The following SLC35A4 variants were observed in gnomAD, a reference collection of about 807,000 sequenced individuals.
The protein encoded by SLC35A4 is solute carrier family 35 member A4.
Under a neutral mutation model 18.8 loss-of-function variants are expected in SLC35A4, and 9 were observed. The observed-to-expected ratio is 0.48, with a 90% CI of 0.29 to 0.83. The LOEUF is 0.83. Ranked by LOEUF, SLC35A4 falls within the 40% of genes least tolerant of loss-of-function variation. The pLI is 0.09. For synonymous variants in SLC35A4, 189 were observed against 191.9 expected (o/e 0.98, Z 0.13); for missense variants, 404 against 415.5 (o/e 0.97, Z 0.24).
In SLC35A4 at chr5:140,568,105, C is replaced by T. The variant is rs779614603; in HGVS notation, c.936C>T (p.Leu312=). The change falls in exon 3 of 3, where the codon CTC becomes CTT. Residue 312 remains leucine (L), a synonymous_variant. Coordinates refer to ENST00000323146, the MANE Select transcript of SLC35A4 (RefSeq NM_080670.4). ...CCGCCTTCTTCCTGGCCACATTGCTCATTGGCCTGGCCATGCGCCTGTACT... is the reference window on the plus strand; with the variant it reads ...CCGCCTTCTTCCTGGCCACATTGCTTATTGGCCTGGCCATGCGCCTGTACT... The part of the protein sequence containing the change: ...LTAAFFLATL[L]IGLAMRLYYG... 35 of 1,613,694 alleles carry T rather than the reference C, an allele frequency of 2.2e-5. No homozygotes were observed. The highest frequency in any genetic ancestry group is 2.8e-5 in the Non-Finnish European group (33 of 1,180,042).
rs1755210023 is a variant in SLC35A4, at chr5:140,567,249, C to T, written c.80C>T (p.Thr27Ile). The change falls in exon 3 of 3, where the codon ACT (threonine) becomes ATT (isoleucine). Residue 27 changes from threonine to isoleucine, a missense_variant. By Grantham distance (89) the Thr-to-Ile change is moderately conservative. Transcript: ENST00000323146. ...TGGACCCTGATGCTACTCCTATCCA[C>T]TGCCATGTACGGTGCCCATGCCCCA... ...ARWTLMLLLSTAMYGAHAPLL... is the reference protein window; with the variant it reads ...ARWTLMLLLSIAMYGAHAPLL... 17 of 1,614,228 alleles carry T rather than the reference C, an allele frequency of 1.1e-5. No homozygotes were observed. Among genetic ancestry groups the T allele is most frequent in the Non-Finnish European group, 1.4e-5 (16 of 1,180,028 alleles).
chr5:140,568,099 A>G lies in SLC35A4; in HGVS notation c.930A>G (p.Thr310=), dbSNP rs74950706. The part of the protein sequence containing the change: ...LQLTAAFFLA[T]LLIGLAMRLY... ...TCACAGCCGCCTTCTTCCTGGCCAC[A>G]TTGCTCATTGGCCTGGCCATGCGCC... The change falls in exon 3 of 3, where the codon ACA becomes ACG. Residue 310 remains threonine, a synonymous_variant. Coordinates refer to ENST00000323146, the MANE Select transcript of SLC35A4 (RefSeq NM_080670.4). 2.7e-3 allele frequency: 4,360 copies of G among 1,613,750 alleles called. 125 individuals are homozygous for G. The African/African-American group carries it at 0.052, about 19-fold the overall frequency.
chr5:140,567,661 C>G lies in SLC35A4; in HGVS notation c.492C>G (p.Pro164=), dbSNP rs767304370. The G allele has an allele frequency of 6.2e-7, 1 of 1,614,082 alleles. No individual in the cohort carries two copies. The highest frequency in any genetic ancestry group is 2.2e-5 in the East Asian group (1 of 44,880). The change falls in exon 3 of 3, where the codon CCC becomes CCG. Residue 164 remains proline (P), a synonymous_variant. Transcript: ENST00000323146. ...ATGCAGCAGGGGGCCTTCAAGTTCC[C>G]GGGAACACCCTTCCCAGTCCCCCTC... The part of the protein sequence containing the change: ...ACYAAGGLQV[P]GNTLPSPPPA...
In SLC35A4 at chr5:140,567,167, G is replaced by C. The variant is rs370216364; in HGVS notation, c.-3G>C. Reference sequence around the variant, plus strand: ...CCTTAGCCACCCAGGGTCTTGTGTGGGTATGAGTGTAGAGGATGGGGGTAT... The same window carrying C: ...CCTTAGCCACCCAGGGTCTTGTGTGCGTATGAGTGTAGAGGATGGGGGTAT... On this transcript the variant is annotated 5_prime_UTR_variant, in exon 3 of 3. Transcript: ENST00000323146. 39 of 1,614,106 alleles carry C rather than the reference G, an allele frequency of 2.4e-5. No homozygotes were observed. The highest frequency in any genetic ancestry group is 1.8e-4 in the Admixed American group (11 of 60,010).
At position 140,567,184 on chromosome 5, in the gene SLC35A4, TGG is replaced by T; in HGVS notation, c.19_20del (p.Gly7TyrfsTer51). MSVEDGGMPGLGRPRQ... is the reference protein window; with the variant it reads MSVEDXGMPGLGRPRQ... Reference sequence around the variant, plus strand: ...CTTGTGTGGGTATGAGTGTAGAGGATGGGGGTATGCCAGGCCTGGGCCGTCCC... The same window carrying T: ...CTTGTGTGGGTATGAGTGTAGAGGATGGGTATGCCAGGCCTGGGCCGTCCC... On this transcript the variant is annotated frameshift_variant, in exon 3 of 3. Coordinates refer to ENST00000323146, the MANE Select transcript of SLC35A4 (RefSeq NM_080670.4). LOFTEE classifies it high-confidence loss of function. 6.2e-7 allele frequency: 1 copy of T among 1,613,040 alleles called. No individual in the cohort carries two copies.
chr5:140,568,815 G>C lies in SLC35A4; in HGVS notation c.*671G>C, dbSNP rs1203601046. On this transcript the variant is annotated 3_prime_UTR_variant, in exon 3 of 3. Transcript: ENST00000323146. ...CTCATCTCAGGGAATGTAGCCCCTG[G>C]GCCCTGGCTTAAGCCGACACTCCTG... 1 of 167,454 alleles carries C rather than the reference G, an allele frequency of 6.0e-6. No homozygotes were observed. The highest frequency in any genetic ancestry group is 1.5e-5 in the Non-Finnish European group (1 of 68,432). 10.4% of individuals were successfully genotyped at this position (167,454 alleles called of 1,614,324 possible). A position where few individuals can be genotyped will look rare whatever the true frequency, so the allele number is the denominator to read the frequency against.
rs766835551 is a variant in SLC35A4 at position 140,567,407 on chromosome 5, C to T, written c.238C>T (p.Pro80Ser). Reference sequence around the variant, plus strand: ...AGGCTGGCAAGCATGGCCCCAGGGGCCCCCACCCTGGCGCCAGGCTGCTCC... The same window carrying T: ...AGGCTGGCAAGCATGGCCCCAGGGGTCCCCACCCTGGCGCCAGGCTGCTCC... Reference protein sequence around the residue: ...LVGWQAWPQGPPPWRQAAPFA... With the variant: ...LVGWQAWPQGSPPWRQAAPFA... Residue 80 changes from proline (P) to serine (S), a missense_variant, in exon 3 of 3, where the codon CCC becomes TCC. Pro to Ser is a moderately conservative substitution (Grantham distance 74). Transcript: ENST00000323146. The T allele has an allele frequency of 6.2e-7, 1 of 1,614,156 alleles. No individual in the cohort carries two copies. The highest frequency in any genetic ancestry group is 8.5e-7 in the Non-Finnish European group (1 of 1,180,038).
Position 140,567,420 on chromosome 5 carries a change from G to T in SLC35A4, c.251G>T (p.Arg84Leu), listed in dbSNP as rs200069185. 2.5e-6 allele frequency: 4 copies of T among 1,614,112 alleles called. No homozygotes were observed. The highest frequency in any genetic ancestry group is 1.1e-5 in the South Asian group (1 of 91,090). Residue 84 changes from arginine to leucine, a missense_variant, in exon 3 of 3, where the codon CGC becomes CTC. By Grantham distance (102) the Arg-to-Leu change is moderately radical (BLOSUM62 -2). Transcript: ENST00000323146. ...TGGCCCCAGGGGCCCCCACCCTGGC[G>T]CCAGGCTGCTCCCTTCGCACTATCA... ...QAWPQGPPPWRQAAPFALSAL... is the reference protein window; with the variant it reads ...QAWPQGPPPWLQAAPFALSAL...
chr5:140,567,577 C>T lies in SLC35A4; in HGVS notation c.408C>T (p.His136=), dbSNP rs751420492. 5.6e-6 allele frequency: 9 copies of T among 1,614,230 alleles called. 1 individual carries two copies. In the South Asian group the frequency reaches 8.8e-5, roughly 16 times the overall value. The change falls in exon 3 of 3, where the codon CAC becomes CAT. Residue 136 remains histidine, a synonymous_variant. Transcript: ENST00000323146. ...TGCTCTACTGCCTCTGCCTCCGGCA[C>T]CGCCTCTCTGTGCGTCAGGGGTTAG... ...TAVLYCLCLR[H]RLSVRQGLAL... is the part of the protein sequence containing the mutation.
rs1400751380 is a variant in SLC35A4 at position 140,568,160 on chromosome 5, A to C, written c.*16A>C. On this transcript the variant is annotated 3_prime_UTR_variant, in exon 3 of 3. Transcript: ENST00000323146. ...CAGCCGCTAGTCCCTGACAACTTCCACCCTGATTCCGGACCCTGTAGATTG... is the reference window on the plus strand; with the variant it reads ...CAGCCGCTAGTCCCTGACAACTTCCCCCCTGATTCCGGACCCTGTAGATTG... 1 of 1,613,142 alleles carries C rather than the reference A, an allele frequency of 6.2e-7. No homozygotes were observed. The highest frequency in any genetic ancestry group is 1.1e-5 in the South Asian group (1 of 91,028).
At position 140,568,977 on chromosome 5, in the gene SLC35A4, C is replaced by A. The variant is rs538491939; in HGVS notation, c.*833C>A. 1 of 167,170 alleles carries A rather than the reference C, an allele frequency of 6.0e-6. No individual in the cohort carries two copies. Among genetic ancestry groups the A allele is most frequent in the African/African-American group, 2.4e-5 (1 of 41,458 alleles). 10.4% of individuals were successfully genotyped at this position (167,170 alleles called of 1,614,324 possible). On this transcript the variant is annotated 3_prime_UTR_variant, in exon 3 of 3. Coordinates refer to ENST00000323146, the MANE Select transcript of SLC35A4 (RefSeq NM_080670.4). ...CTCCCAACAGCCTGGGGAAGCTCTG[C>A]ACAGAGTGACCTGAGACCAGGTACA...
At position 140,567,209 on chromosome 5, in the gene SLC35A4, C is replaced by T. The variant is rs1488503931; in HGVS notation, c.40C>T (p.Pro14Ser). The T allele has an allele frequency of 1.9e-6, 3 of 1,614,038 alleles. No homozygotes were observed. Among genetic ancestry groups the T allele is most frequent in the Non-Finnish European group, 2.5e-6 (3 of 1,180,004 alleles). The change falls in exon 3 of 3, where the codon CCC (proline) becomes TCC (serine). Residue 14 changes from proline (P) to serine (S), a missense_variant. Physicochemically the swap from Pro to Ser is moderately conservative, Grantham distance 74. Transcript: ENST00000323146. ...TGGGGGTATGCCAGGCCTGGGCCGT[C>T]CCAGGCAGGCCCGCTGGACCCTGAT... The part of the protein sequence containing the change: ...EDGGMPGLGR[P>S]RQARWTLMLL...
chr5:140,565,936 C>G lies in SLC35A4; in HGVS notation c.-641C>G, dbSNP rs751611719. On this transcript the variant is annotated 5_prime_UTR_variant, in exon 2 of 3. Coordinates refer to ENST00000323146, the MANE Select transcript of SLC35A4 (RefSeq NM_080670.4). ...GAACCAGCTGGAAAGCCTGCAGCGG[C>G]GTGTAGAAGACGAAGTCAACAGTGG... The G allele has an allele frequency of 2.5e-6, 1 of 398,786 alleles. No individual in the cohort carries two copies. The highest frequency in any genetic ancestry group is 4.4e-6 in the Non-Finnish European group (1 of 226,066). The allele number at this position is 398,786 out of a possible 1,614,324, so 24.7% of individuals were successfully genotyped here. A position where few individuals can be genotyped will look rare whatever the true frequency, so the allele number is the denominator to read the frequency against.
chr5:140,567,030 G>A lies in SLC35A4; in HGVS notation c.-140G>A. ...TCTTCAAGCCCTGACTGTGGAGTTGGTAGATGCCTCTGATCCTCAGTATTC... is the reference window on the plus strand; with the variant it reads ...TCTTCAAGCCCTGACTGTGGAGTTGATAGATGCCTCTGATCCTCAGTATTC... On this transcript the variant is annotated 5_prime_UTR_variant, in exon 3 of 3. Transcript: ENST00000323146. 7.5e-7 allele frequency: 1 copy of A among 1,340,106 alleles called. No homozygotes were observed. Among genetic ancestry groups the A allele is most frequent in the Non-Finnish European group, 1.1e-6 (1 of 949,806 alleles). The allele number at this position is 1,340,106 out of a possible 1,614,324, so 83.0% of individuals were successfully genotyped here. A position where few individuals can be genotyped will look rare whatever the true frequency, so the allele number is the denominator to read the frequency against.
rs770449710 is a variant in SLC35A4 at position 140,567,726 on chromosome 5, C to T, written c.557C>T (p.Pro186Leu). 1.2e-5 allele frequency: 19 copies of T among 1,614,046 alleles called. No homozygotes were observed. Among genetic ancestry groups the T allele is most frequent in the East Asian group, 4.5e-5 (2 of 44,890 alleles). ...AGCCCCATGCCCCTGCATATCACTC[C>T]GCTAGGCCTGCTGCTCCTCATTCTG... ...AASPMPLHIT[P>L]LGLLLLILYC... The change falls in exon 3 of 3, where the codon CCG becomes CTG. Residue 186 changes from proline (P) to leucine (L), a missense_variant. Coordinates refer to ENST00000323146, the MANE Select transcript of SLC35A4 (RefSeq NM_080670.4).
intron 1 of SLC35A4, chr5:140,565,593 C>T: frequency 4.2e-6 from 1 of 236,652 alleles, no homozygotes; most frequent in Non-Finnish European, 8.1e-6. Flanking sequence ...CCCTAGCTGT[C>T]CCTCCTGCCT....
chr5:140,566,935 C>G lies in SLC35A4; in HGVS notation c.-235C>G. On this transcript the variant is annotated 5_prime_UTR_variant, in exon 3 of 3. Coordinates refer to ENST00000323146, the MANE Select transcript of SLC35A4 (RefSeq NM_080670.4). ...AGTTCCTCAGCCTGCACCCTGGATT[C>G]CTTCTTCCCCTTCCTAGCTCCATGG... The G allele has an allele frequency of 2.9e-6, 2 of 690,056 alleles. No homozygotes were observed. The highest frequency in any genetic ancestry group is 3.5e-5 in the African/African-American group (2 of 56,790). The allele number at this position is 690,056 out of a possible 1,614,324, so 42.7% of individuals were successfully genotyped here. A position where few individuals can be genotyped will look rare whatever the true frequency, so the allele number is the denominator to read the frequency against.
rs1334818258 is a variant in SLC35A4 at position 140,568,328 on chromosome 5, G to A, written c.*184G>A. 1.1e-6 allele frequency: 1 copy of A among 901,486 alleles called. No homozygotes were observed. The highest frequency in any genetic ancestry group is 1.7e-6 in the Non-Finnish European group (1 of 596,110). 55.8% of individuals were successfully genotyped at this position (901,486 alleles called of 1,614,324 possible). On this transcript the variant is annotated 3_prime_UTR_variant, in exon 3 of 3. Coordinates refer to ENST00000323146, the MANE Select transcript of SLC35A4 (RefSeq NM_080670.4). ...TTGGTGGATGAAGGGGTACCCCTAG[G>A]AGATGTGAAGTGTGGGTTTGGTTAA...
At chr5:140,565,214 C>A (rs148273512) in intron 1 of SLC35A4, 1 of 292,092 alleles carries the variant, frequency 3.4e-6, no homozygotes, top group East Asian at 5.7e-5. Context: ...CTCACACCAC[C>A]CTCATTCAAA....
Sources: allele counts gnomAD v4.1 joint callset, GRCh38; gene constraint gnomAD v4.1.1; transcripts MANE v1.5; gene names NCBI Gene and HGNC (gene_info 2026-07-23, HGNC 2026-07-21).